SAMD8: variants seen among roughly 807,000 people sequenced by gnomAD.
The protein encoded by SAMD8 is sphingomyelin synthase-related protein 1.
SAMD8 carries 20 observed loss-of-function variants against 42.0 expected under a neutral mutation model. The ratio of observed to expected loss-of-function variants is 0.48; its 90% CI spans 0.34 to 0.69. The LOEUF is 0.69. Among genes scored for constraint, SAMD8 ranks in the 30% least tolerant of loss-of-function variants. The probability of loss-of-function intolerance (pLI) is 0.01; values close to 1 mark genes in which losing one functional copy is unlikely to be tolerated. For missense variants in SAMD8, 328 were observed against 511.6 expected (o/e 0.64, Z 3.46); for synonymous variants, 162 against 173.0 (o/e 0.94, Z 0.50).
chr10:75,168,144 A>G (rs1173290691), intron 3 of SAMD8, among the ~76,000 whole-genome samples: 1 of 152,080 alleles, frequency 6.6e-6, no homozygotes, highest in Non-Finnish European at 1.5e-5. Flanking sequence ...TTACAGGCAC[A>G]CACCACCACG....
rs374413588 is a variant in SAMD8, at chr10:75,119,121, A to C, written c.-16+7399A>C. The stretch of plus-strand genomic sequence containing the variant: ...TTATACATCATTTGGAAGCTGTTTA[A>C]CTTTTAAATTTTGTAAACTAAATCA... On this transcript the variant is annotated intron_variant, in intron 1 of 5. Transcript: ENST00000542569. 4.6e-4 allele frequency among the ~76,000 whole-genome samples: 70 copies of C among 150,926 alleles called. No individual in the cohort carries two copies. The East Asian group carries it at 9.1e-3, about 20-fold the overall frequency.
rs1475514575 is a variant in SAMD8 at position 75,162,618 on chromosome 10, C to T, written c.579-2027C>T. 2.1e-5 allele frequency among the ~76,000 whole-genome samples: 3 copies of T among 145,494 alleles called. No homozygotes were observed. The East Asian group carries it at 6.1e-4, about 29-fold the overall frequency. On this transcript the variant is annotated intron_variant, in intron 2 of 5. Transcript: ENST00000542569. Reference sequence around the variant, plus strand: ...GAGCCGAGATCGCGCCATTGCACTCCAGCCTGGGGAACACGAGTGAAACTC... The same window carrying T: ...GAGCCGAGATCGCGCCATTGCACTCTAGCCTGGGGAACACGAGTGAAACTC...
At chr10:75,132,657 C>G (rs11001301) in intron 1 of SAMD8, among the ~76,000 whole-genome samples, 28,916 of 151,746 alleles carry the variant, frequency 0.19, 3,040 homozygotes, top group East Asian at 0.29. Flanking sequence ...AAAATCTTTC[C>G]TGTATACTCT....
Position 75,178,008 on chromosome 10 carries a change from A to G in SAMD8, c.*1316A>G, listed in dbSNP as rs1027941851. ...GGAATATTAATTATGTAGTTTTTAC[A>G]TTCCATTTTAAAACAAAAACTTAGA... On this transcript the variant is annotated 3_prime_UTR_variant, in exon 6 of 6. Transcript: ENST00000542569. The G allele has an allele frequency of 6.6e-6, 1 of 152,252 alleles. No individual in the cohort carries two copies. The highest frequency in any genetic ancestry group is 6.5e-5 in the Admixed American group (1 of 15,286). 9.4% of individuals were successfully genotyped at this position (152,252 alleles called of 1,614,324 possible).
chr10:75,179,868 G>A lies in SAMD8; in HGVS notation c.*3176G>A, dbSNP rs943062758. 1 of 152,158 alleles carries A rather than the reference G, an allele frequency of 6.6e-6. No homozygotes were observed. The highest frequency in any genetic ancestry group is 1.5e-5 in the Non-Finnish European group (1 of 68,026). 9.4% of individuals were successfully genotyped at this position (152,158 alleles called of 1,614,324 possible). A position where few individuals can be genotyped will look rare whatever the true frequency, so the allele number is the denominator to read the frequency against. Reference sequence around the variant, plus strand: ...TGACCTTGTATTTGGTTCTGTAGTTGCAGACTTGTGAAGGCTTACATCATC... The same window carrying A: ...TGACCTTGTATTTGGTTCTGTAGTTACAGACTTGTGAAGGCTTACATCATC... On this transcript the variant is annotated 3_prime_UTR_variant, in exon 6 of 6. Coordinates refer to ENST00000542569, the MANE Select transcript of SAMD8 (RefSeq NM_001174156.2).
chr10:75,171,312 G>A lies in SAMD8; in HGVS notation c.792+2654G>A, dbSNP rs939153824. Reference sequence around the variant, plus strand: ...CTCCCGAGTAGCTGGGACTACAGGCGCCCGCCACCATGCATGGCTAATTTT... The same window carrying A: ...CTCCCGAGTAGCTGGGACTACAGGCACCCGCCACCATGCATGGCTAATTTT... On this transcript the variant is annotated intron_variant, in intron 4 of 5. Coordinates refer to ENST00000542569, the MANE Select transcript of SAMD8 (RefSeq NM_001174156.2). Among the ~76,000 whole-genome samples, 9 of 150,918 alleles carry A rather than the reference G, an allele frequency of 6.0e-5. No individual in the cohort carries two copies. In the East Asian group the frequency reaches 1.2e-3, roughly 20 times the overall value.
intron 1 of SAMD8, among the ~76,000 whole-genome samples, chr10:75,105,407 C>T (rs1384548544): frequency 6.6e-6 from 1 of 152,146 alleles, no homozygotes; most frequent in Non-Finnish European, 1.5e-5. Context: ...TCTGAAGGAT[C>T]CAGGTGGGGT....
At chr10:75,125,136 T>C (rs1849099906) in intron 1 of SAMD8, 1 of 152,212 alleles carries the variant, frequency 6.6e-6, no homozygotes. Context: ...CTTTTTCAGC[T>C]ATCTGCAGAG....
rs560884214 is a variant in SAMD8, at chr10:75,165,406, C to T, written c.674+666C>T. On this transcript the variant is annotated intron_variant, in intron 3 of 5. Coordinates refer to ENST00000542569, the MANE Select transcript of SAMD8 (RefSeq NM_001174156.2). ...AGATTATTGGCCGGGCACGGTGGCT[C>T]ATGCCTGTAATCCCAGCACTTTGGG... Among the ~76,000 whole-genome samples the T allele has an allele frequency of 5.9e-5, 9 of 152,082 alleles. No homozygotes were observed. The South Asian group carries it at 1.5e-3, about 25-fold the overall frequency.
chr10:75,122,891 AC>A (rs566473515), intron 1 of SAMD8, among the ~76,000 whole-genome samples: 116 of 152,288 alleles, frequency 7.6e-4, no homozygotes, highest in Non-Finnish European at 1.4e-3. Flanking sequence ...TAGCAGGTTA[AC>A]ATGGTGAGTT....
chr10:75,148,346 C>CTTTTTTTTTTT (rs60024591), intron 1 of SAMD8, among the ~76,000 whole-genome samples: 1,060 of 82,502 alleles, frequency 0.013, 128 homozygotes, highest in African/African-American at 0.025. Context: ...GCAATACCAG[C>CTTTTTTTTTTT]TTTTTTTTTT....
chr10:75,113,122 A>T (rs973642701), intron 1 of SAMD8, among the ~76,000 whole-genome samples: 1 of 152,268 alleles, frequency 6.6e-6, no homozygotes, highest in Non-Finnish European at 1.5e-5. Context: ...AGCCAACACA[A>T]CTGGGACAGG....
At chr10:75,164,114 G>A (rs746039307) in intron 2 of SAMD8, among the ~76,000 whole-genome samples, 1 of 152,146 alleles carries the variant, frequency 6.6e-6, no homozygotes, top group Non-Finnish European at 1.5e-5. Flanking sequence ...CCACTTAGGT[G>A]GCTGAGGTGG....
At chr10:75,122,157 A>G (rs1172246030) in intron 1 of SAMD8, among the ~76,000 whole-genome samples, 2 of 152,200 alleles carry the variant, frequency 1.3e-5, no homozygotes, top group African/African-American at 2.4e-5. Flanking sequence ...TGTATGGAAT[A>G]TAGAAATTTT....
At chr10:75,137,914 C>T (rs1389039996) in intron 1 of SAMD8, among the ~76,000 whole-genome samples, 2 of 152,176 alleles carry the variant, frequency 1.3e-5, no homozygotes, top group African/African-American at 4.8e-5. Flanking sequence ...GAGCATGTAT[C>T]TGTTATGCAG....
rs1055456610 is a variant in SAMD8 at position 75,181,771 on chromosome 10, T to C, written c.*5079T>C. 3 of 152,234 alleles carry C rather than the reference T, an allele frequency of 2.0e-5. No individual in the cohort carries two copies. The highest frequency in any genetic ancestry group is 7.2e-5 in the African/African-American group (3 of 41,458). 9.4% of individuals were successfully genotyped at this position (152,234 alleles called of 1,614,324 possible). On this transcript the variant is annotated 3_prime_UTR_variant, in exon 6 of 6. Transcript: ENST00000542569. ...ATGTCATCTTAAAAATGTTCACTTTTACTAAGTTTTATTCAGAGGATCTAT... is the reference window on the plus strand; with the variant it reads ...ATGTCATCTTAAAAATGTTCACTTTCACTAAGTTTTATTCAGAGGATCTAT...
intron 2 of SAMD8, among the ~76,000 whole-genome samples, chr10:75,161,406 T>C (rs1840554256): frequency 6.6e-6 from 1 of 152,162 alleles, no homozygotes; most frequent in South Asian, 2.1e-4. Flanking sequence ...ACCAGATCTC[T>C]GCGCACCCTG....
chr10:75,148,981 A>G (rs2134477770), intron 1 of SAMD8, among the ~76,000 whole-genome samples: 3 of 152,332 alleles, frequency 2.0e-5, no homozygotes, highest in Middle Eastern at 6.8e-3. Context: ...AAAAAAGAAC[A>G]TTTGTATTAG....
intron 3 of SAMD8, among the ~76,000 whole-genome samples, chr10:75,166,317 G>C (rs968652567): frequency 1.3e-5 from 2 of 151,346 alleles, no homozygotes; most frequent in Non-Finnish European, 2.9e-5. Flanking sequence ...AAAATTTAAA[G>C]ATAAAATTAG....
Sources: allele counts gnomAD v4.1 joint callset (sites outside exome capture counted in the v4.1 genomes callset), GRCh38; gene constraint gnomAD v4.1.1; transcripts MANE v1.5; gene names NCBI Gene and HGNC (gene_info 2026-07-23, HGNC 2026-07-21).